ERBIN: variants seen among roughly 807,000 people sequenced by gnomAD.
ERBIN encodes erbb2 interacting protein, also known as densin-180-like protein.
A neutral mutation model predicts 158.4 loss-of-function variants in ERBIN; 60 were observed. That is an observed-to-expected ratio of 0.38 (90% CI 0.31 to 0.47). ERBIN has a LOEUF of 0.47. Among genes scored for constraint, ERBIN ranks in the 20% least tolerant of loss-of-function variants. ERBIN has a pLI of 0.99. For synonymous variants in ERBIN, 594 were observed against 557.2 expected (o/e 1.07, Z -0.93); for missense variants, 1,610 against 1,648.0 (o/e 0.98, Z 0.40).
intron 1 of ERBIN, among the ~76,000 whole-genome samples, chr5:65,940,487 C>CG (rs1744782615): frequency 7.7e-6 from 1 of 129,034 alleles, no homozygotes; most frequent in Non-Finnish European, 1.7e-5. Flanking sequence ...CCCCCCCCCC[C>CG]CGGCCAGCCG....
chr5:65,976,520 CTT>C (rs778638629), intron 1 of ERBIN, among the ~76,000 whole-genome samples: 22 of 137,984 alleles, frequency 1.6e-4, no homozygotes, highest in Admixed American at 2.9e-4. Context: ...TTTCTTTTTT[CTT>C]TTTTTTTTTT....
intron 4 of ERBIN, among the ~76,000 whole-genome samples, chr5:66,000,069 A>G (rs1049228328): frequency 1.3e-5 from 2 of 152,208 alleles, no homozygotes; most frequent in Non-Finnish European, 2.9e-5. Context: ...CTACCTTTTC[A>G]TCCTAAAGGA....
Position 65,963,607 on chromosome 5 carries a change from A to G in ERBIN, c.-57-25028A>G, listed in dbSNP as rs1748172072. Among the ~76,000 whole-genome samples, 3 of 152,018 alleles carry G rather than the reference A, an allele frequency of 2.0e-5. No homozygotes were observed. The South Asian group carries it at 6.2e-4, about 31-fold the overall frequency. ...GAGCGAAACTCCATCTCAAAAACAA[A>G]ACAAAAACCAACAAAAAAAACTACT... On this transcript the variant is annotated intron_variant, in intron 1 of 25. Transcript: ENST00000284037.
intron 21 of ERBIN, among the ~76,000 whole-genome samples, chr5:66,057,261 G>A (rs184525079): frequency 1.1e-3 from 168 of 152,186 alleles, no homozygotes; most frequent in African/African-American, 3.9e-3. Context: ...TGCAATGAAA[G>A]GAACTACTAG....
At chr5:65,994,388 G>T (rs1752197713) in intron 3 of ERBIN, among the ~76,000 whole-genome samples, 1 of 152,108 alleles carries the variant, frequency 6.6e-6, no homozygotes, top group African/African-American at 2.4e-5. Flanking sequence ...ATTTTTAGAA[G>T]AATACTCTTC....
At chr5:66,017,023 T>G (rs1754818830) in intron 7 of ERBIN, among the ~76,000 whole-genome samples, 1 of 152,130 alleles carries the variant, frequency 6.6e-6, no homozygotes. Context: ...CCCATGTTAC[T>G]GCAGGCAGCC....
intron 22 of ERBIN, among the ~76,000 whole-genome samples, chr5:66,073,776 G>A (rs1761732593): frequency 6.6e-6 from 1 of 152,082 alleles, no homozygotes; most frequent in Non-Finnish European, 1.5e-5. Flanking sequence ...GAGATTTTCT[G>A]TCTGTTAATA....
intron 1 of ERBIN, among the ~76,000 whole-genome samples, chr5:65,966,680 CAAAAAAAAAAA>C (rs70987105): frequency 1.2e-4 from 6 of 50,112 alleles, no homozygotes; most frequent in African/African-American, 2.3e-4. Flanking sequence ...AACTCTGTCT[CAAAAAAAAAAA>C]AAAAAAAAAA....
intron 4 of ERBIN, among the ~76,000 whole-genome samples, chr5:66,000,493 A>C (rs1459703527): frequency 6.6e-6 from 1 of 152,084 alleles, no homozygotes; most frequent in African/African-American, 2.4e-5. Context: ...ACTTTTAAAC[A>C]ATTATTTCAA....
chr5:65,970,028 T>A (rs1466682100), intron 1 of ERBIN, among the ~76,000 whole-genome samples: 2 of 152,226 alleles, frequency 1.3e-5, no homozygotes, highest in African/African-American at 4.8e-5. Context: ...GGTTTCACTT[T>A]TGTTACCTTG....
intron 21 of ERBIN, among the ~76,000 whole-genome samples, chr5:66,065,053 A>G (rs951532465): frequency 1.3e-5 from 2 of 152,132 alleles, no homozygotes; most frequent in Non-Finnish European, 2.9e-5. Flanking sequence ...TCTTTAAAGC[A>G]TTGTGGTATA....
intron 15 of ERBIN, among the ~76,000 whole-genome samples, chr5:66,039,897 A>C (rs1366729311): frequency 1.3e-5 from 2 of 151,900 alleles, no homozygotes; most frequent in African/African-American, 4.8e-5. Context: ...AGGTTTTGCT[A>C]CATCTAAATA....
intron 1 of ERBIN, among the ~76,000 whole-genome samples, chr5:65,972,514 T>G (rs913082030): frequency 5.9e-5 from 9 of 151,462 alleles, no homozygotes; most frequent in Non-Finnish European, 8.8e-5. Context: ...ACAGAAAAAT[T>G]TAAAGAATAT....
Position 66,051,047 on chromosome 5 carries a change from G to T in ERBIN, c.2087+81G>T, listed in dbSNP as rs2151228355. The T allele has an allele frequency of 5.8e-6, 5 of 855,426 alleles. No homozygotes were observed. The East Asian group carries it at 1.5e-4, about 25-fold the overall frequency. 53.0% of individuals were successfully genotyped at this position (855,426 alleles called of 1,614,324 possible). A position where few individuals can be genotyped will look rare whatever the true frequency, so the allele number is the denominator to read the frequency against. ...CAGATAACAAATACATAAATATATA[G>T]GGTTTAATAAATATTATAGAAGTGG... On this transcript the variant is annotated intron_variant, in intron 20 of 25. Transcript: ENST00000284037.
intron 16 of ERBIN, among the ~76,000 whole-genome samples, 155 bp downstream of exon 16, chr5:66,043,353 A>C (rs966638737): frequency 6.6e-6 from 1 of 152,198 alleles, no homozygotes; most frequent in African/African-American, 2.4e-5. Context: ...AATATTTCAG[A>C]CATGAAAGAA....
rs531692124 is a variant in ERBIN at position 66,041,674 on chromosome 5, A to G, written c.1307-1403A>G. ...ATAAATTCTGGTGTAAAGTTGCTTT[A>G]GAAATAATCTAACACTAATTGGAAT... is the stretch of plus-strand genomic sequence containing the variant. On this transcript the variant is annotated intron_variant, in intron 15 of 25. Coordinates refer to ENST00000284037, the MANE Select transcript of ERBIN (RefSeq NM_001253697.2). Among the ~76,000 whole-genome samples, 251 of 152,206 alleles carry G rather than the reference A, an allele frequency of 1.6e-3. 1 individual carries two copies. Among genetic ancestry groups the G allele is most frequent in the Non-Finnish European group, 2.8e-3 (192 of 67,914 alleles).
At chr5:66,045,592 T>G (rs374898349) in intron 17 of ERBIN, among the ~76,000 whole-genome samples, 1 of 152,202 alleles carries the variant, frequency 6.6e-6, no homozygotes, top group African/African-American at 2.4e-5. Flanking sequence ...AACATACCAC[T>G]GTTGTTAAGT....
intron 1 of ERBIN, among the ~76,000 whole-genome samples, chr5:65,931,455 T>C (rs950620298): frequency 6.6e-5 from 10 of 152,242 alleles, no homozygotes; most frequent in African/African-American, 2.4e-4. Context: ...CACTCTGTTA[T>C]AATATGGTAT....
At chr5:65,937,218 A>C (rs1254494560) in intron 1 of ERBIN, among the ~76,000 whole-genome samples, 2 of 152,212 alleles carry the variant, frequency 1.3e-5, no homozygotes, top group African/African-American at 4.8e-5. Context: ...TAATGTAATC[A>C]AATTTGTCAG....
Sources: gnomAD v4.1 joint callset for allele counts (sites outside exome capture counted in the v4.1 genomes callset) on GRCh38, gnomAD v4.1.1 for gene constraint, MANE v1.5 for transcripts, NCBI Gene and HGNC (gene_info 2026-07-23, HGNC 2026-07-21) for gene names.